RTN3: variants seen among roughly 807,000 people sequenced by gnomAD.
RTN3 encodes the protein reticulon-3.
A neutral mutation model predicts 77.8 loss-of-function variants in RTN3; 49 were observed. That is an observed-to-expected ratio of 0.63 (90% CI 0.50 to 0.80). The LOEUF is 0.80. RTN3 is among the 30% of genes least tolerant of loss of function. The pLI is 0.00. For missense variants in RTN3, 1,236 were observed against 1,211.9 expected, an observed-to-expected ratio of 1.02 and a Z score of -0.29; for synonymous variants, 464 against 446.9, an observed-to-expected ratio of 1.04 and a Z score of -0.48.
At chr11:63,735,078 G>A (rs2012996625) in intron 3 of RTN3, among the ~76,000 whole-genome samples, 1 of 152,092 alleles carries the variant, frequency 6.6e-6, no homozygotes, top group African/African-American at 2.4e-5. Context: ...CCAGGCTGGA[G>A]TGCAGTGGCG....
In RTN3 at chr11:63,718,932, T is replaced by C. The variant is rs2134821912; in HGVS notation, c.430T>C (p.Ser144Pro). The part of the protein sequence containing the change: ...QGTSNNVSDS[S>P]VSLAAGVHCD... ...GACCAGCAACAACGTATCAGACTCT[T>C]CAGTTTCTCTTGCAGCAGGAGTTCA... is the stretch of plus-strand genomic sequence containing the variant. The change falls in exon 3 of 9, where the codon TCA becomes CCA. Residue 144 changes from serine to proline, a missense_variant. By Grantham distance (74) the Ser-to-Pro change is moderately conservative. Transcript: ENST00000377819. 4 of 1,614,204 alleles carry C rather than the reference T, an allele frequency of 2.5e-6. No homozygotes were observed. The South Asian group carries it at 4.4e-5, about 18-fold the overall frequency.
Position 63,752,546 on chromosome 11 carries a change from T to G in RTN3, c.2778T>G (p.Ala926=). 6.2e-7 allele frequency: 1 copy of G among 1,613,636 alleles called. No homozygotes were observed. Among genetic ancestry groups the G allele is most frequent in the Admixed American group, 1.7e-5 (1 of 60,022 alleles). The change falls in exon 5 of 9, where the codon GCT becomes GCG. Residue 926 remains alanine, a synonymous_variant. Transcript: ENST00000377819. ...TAGACATTACTCTGTCCTCAGAAGC[T>G]TTCCATAATTACATGAATGCTGCCA... ...LDVDITLSSE[A]FHNYMNAAMV... is the part of the protein sequence containing the mutation.
chr11:63,758,632 A>G lies in RTN3; in HGVS notation c.*431A>G, dbSNP rs1380782541. On this transcript the variant is annotated 3_prime_UTR_variant, in exon 9 of 9. Coordinates refer to ENST00000377819, the MANE Select transcript of RTN3 (RefSeq NM_001265589.2). ...TAACTTATGAAAAAATTATTTGGGG[A>G]CAGGAGTGTGATACCTTCCTTGGTT... is the stretch of plus-strand genomic sequence containing the variant. The G allele has an allele frequency of 2.1e-5, 8 of 384,844 alleles. No individual in the cohort carries two copies. Among genetic ancestry groups the G allele is most frequent in the South Asian group, 1.9e-4 (2 of 10,400 alleles). 23.8% of individuals were successfully genotyped at this position (384,844 alleles called of 1,614,324 possible).
At chr11:63,734,764 C>G (rs1377936617) in intron 3 of RTN3, among the ~76,000 whole-genome samples, 1 of 150,670 alleles carries the variant, frequency 6.6e-6, no homozygotes, top group Non-Finnish European at 1.5e-5. Context: ...CACACACACA[C>G]ACACACACAC....
In RTN3 at chr11:63,719,908, A is replaced by G. The variant is rs761046622; in HGVS notation, c.1406A>G (p.Lys469Arg). Reference protein sequence around the residue: ...DSLGSGVATVKVVLPDDHLKD... With the variant: ...DSLGSGVATVRVVLPDDHLKD... ...TTGGGTTCTGGAGTGGCCACAGTGA[A>G]AGTGGTTTTACCTGATGACCACCTG... Residue 469 changes from lysine (K) to arginine (R), a missense_variant, in exon 3 of 9, where the codon AAA becomes AGA. Lys to Arg is a conservative substitution (Grantham distance 26, BLOSUM62 2). Around this residue, in one of 3 missense-constraint regions of RTN3, gnomAD observed 1,056 missense variants for 990.4 expected, o/e 1.07. Coordinates refer to ENST00000377819, the MANE Select transcript of RTN3 (RefSeq NM_001265589.2). 3 of 1,614,004 alleles carry G rather than the reference A, an allele frequency of 1.9e-6. No individual in the cohort carries two copies. Among genetic ancestry groups the G allele is most frequent in the Admixed American group, 1.7e-5 (1 of 59,992 alleles).
chr11:63,750,720 G>GT (rs1020111801), intron 4 of RTN3, among the ~76,000 whole-genome samples: 9 of 150,826 alleles, frequency 6.0e-5, no homozygotes, highest in African/African-American at 1.7e-4. Flanking sequence ...CCAAAGTGCT[G>GT]TTTTTTTTGT....
chr11:63,687,246 T>G (rs1941422250), intron 1 of RTN3, among the ~76,000 whole-genome samples: 1 of 152,210 alleles, frequency 6.6e-6, no homozygotes, highest in Admixed American at 6.5e-5. Context: ...TATGTGATCT[T>G]GTGCAAGTCC....
At chr11:63,700,337 G>A (rs1165333398) in intron 1 of RTN3, among the ~76,000 whole-genome samples, 1 of 144,758 alleles carries the variant, frequency 6.9e-6, no homozygotes, top group Non-Finnish European at 1.5e-5. Flanking sequence ...GTACAGTGGT[G>A]TGATCACGGT....
chr11:63,745,511 A>G (rs1290289495), intron 3 of RTN3, among the ~76,000 whole-genome samples: 1 of 152,192 alleles, frequency 6.6e-6, no homozygotes, highest in Non-Finnish European at 1.5e-5. Flanking sequence ...GAAGCAAGCC[A>G]TGGGGAGTTG....
At chr11:63,683,762 G>A (rs1172129606) in intron 1 of RTN3, among the ~76,000 whole-genome samples, 1 of 151,884 alleles carries the variant, frequency 6.6e-6, no homozygotes, top group Non-Finnish European at 1.5e-5. Context: ...TCTATTTATT[G>A]TGTATTTTTT....
At chr11:63,685,102 T>C (rs992649264) in intron 1 of RTN3, among the ~76,000 whole-genome samples, 3 of 152,162 alleles carry the variant, frequency 2.0e-5, no homozygotes, top group Non-Finnish European at 2.9e-5. Flanking sequence ...CAAATGTGCA[T>C]TCATATTGTC....
rs1565333353 is a variant in RTN3 at position 63,734,766 on chromosome 11, CACACACACACACACA to C, written c.2530+13735_2530+13749del. ...ACACACACACACACACACACACACA[CACACACACACACACA>C]CCATACTGGAGGTCCTAGCCACTGA... is the stretch of plus-strand genomic sequence containing the variant. On this transcript the variant is annotated intron_variant, in intron 3 of 8. Transcript: ENST00000377819. 5.4e-4 allele frequency among the ~76,000 whole-genome samples: 81 copies of C among 150,866 alleles called. 1 individual carries two copies. Among genetic ancestry groups the C allele is most frequent in the Middle Eastern group, 3.4e-3 (1 of 292 alleles).
chr11:63,716,912 T>C (rs2011434711), intron 2 of RTN3, among the ~76,000 whole-genome samples: 1 of 133,328 alleles, frequency 7.5e-6, no homozygotes. Flanking sequence ...GAGCTTGCAG[T>C]GAGCAGAGAT....
rs1184660649 is a variant in RTN3 at position 63,759,580 on chromosome 11, C to T, written c.*1379C>T. 1.3e-5 allele frequency: 2 copies of T among 152,630 alleles called. No homozygotes were observed. The highest frequency in any genetic ancestry group is 4.8e-5 in the African/African-American group (2 of 41,454). 9.5% of individuals were successfully genotyped at this position (152,630 alleles called of 1,614,324 possible). On this transcript the variant is annotated 3_prime_UTR_variant, in exon 9 of 9. Coordinates refer to ENST00000377819, the MANE Select transcript of RTN3 (RefSeq NM_001265589.2). Reference sequence around the variant, plus strand: ...GAAGTGCATTCTCCATCCTCATCCTCTGCCCTCCCAGGAAGTCAGTGATTG... The same window carrying T: ...GAAGTGCATTCTCCATCCTCATCCTTTGCCCTCCCAGGAAGTCAGTGATTG...
At chr11:63,689,247 A>C (rs911740648) in intron 1 of RTN3, among the ~76,000 whole-genome samples, 1 of 152,232 alleles carries the variant, frequency 6.6e-6, no homozygotes, top group Non-Finnish European at 1.5e-5. Flanking sequence ...TTAGACAAAA[A>C]TTAGCAGGTC....
At chr11:63,752,005 T>TA (rs570097266) in intron 4 of RTN3, among the ~76,000 whole-genome samples, 40 of 151,742 alleles carry the variant, frequency 2.6e-4, no homozygotes, top group Middle Eastern at 3.4e-3. Flanking sequence ...AAAAAACTGC[T>TA]AAAAAAAACC....
In RTN3 at chr11:63,745,351, A is replaced by T. The variant is rs561384126; in HGVS notation, c.2531-4640A>T. 2.6e-5 allele frequency among the ~76,000 whole-genome samples: 4 copies of T among 152,348 alleles called. No individual in the cohort carries two copies. The South Asian group carries it at 8.3e-4, about 32-fold the overall frequency. ...CCCCATGTTTAAGCATTCGGTAACA[A>T]CTGTGAAGAGCCTGCTACAAATAAA... is the stretch of plus-strand genomic sequence containing the variant. On this transcript the variant is annotated intron_variant, in intron 3 of 8. Coordinates refer to ENST00000377819, the MANE Select transcript of RTN3 (RefSeq NM_001265589.2).
intron 8 of RTN3, among the ~76,000 whole-genome samples, chr11:63,757,157 T>A (rs1411586449): frequency 6.6e-6 from 1 of 152,238 alleles, no homozygotes; most frequent in African/African-American, 2.4e-5. Flanking sequence ...ATAAGTAACT[T>A]AAGGATCAAA....
chr11:63,691,114 CTTTTTTTTTT>C (rs796809025), intron 1 of RTN3, among the ~76,000 whole-genome samples: 1 of 91,878 alleles, frequency 1.1e-5, no homozygotes, highest in Non-Finnish European at 2.1e-5. Context: ...ATTGCTAATT[CTTTTTTTTTT>C]TTTTTTTTTT....
Sources: gnomAD v4.1 joint callset for allele counts (sites outside exome capture counted in the v4.1 genomes callset) on GRCh38, gnomAD v4.1.1 for gene constraint, gnomAD v4.1.1 regional missense constraint, MANE v1.5 for transcripts, NCBI Gene and HGNC (gene_info 2026-07-23, HGNC 2026-07-21) for gene names.